Variants in SUPT3H observed in about 807,000 individuals in gnomAD.
SUPT3H encodes SPT3 homolog, SAGA and STAGA complex component.
SUPT3H carries 44 observed loss-of-function variants against 44.3 expected under a neutral mutation model. The ratio of observed to expected loss-of-function variants is 0.99; its 90% CI spans 0.78 to 1.28. SUPT3H has a LOEUF of 1.28. Ranked by LOEUF, SUPT3H falls within the 50% of genes most tolerant of loss-of-function variation. The pLI is 0.00. For synonymous variants in SUPT3H, 124 were observed against 125.6 expected, an observed-to-expected ratio of 0.99 and a Z score of 0.09; for missense variants, 380 against 387.1, an observed-to-expected ratio of 0.98 and a Z score of 0.15.
intron 10 of SUPT3H, among the ~76,000 whole-genome samples, chr6:44,863,456 A>G (rs1341220236): frequency 6.6e-6 from 1 of 152,212 alleles, no homozygotes; most frequent in Non-Finnish European, 1.5e-5. Context: ...TGAAGGTATC[A>G]TTAGATCAGG....
At chr6:45,354,568 C>T (rs527310704) in intron 2 of SUPT3H, among the ~76,000 whole-genome samples, 65 of 152,114 alleles carry the variant, frequency 4.3e-4, no homozygotes, top group Middle Eastern at 3.4e-3. Flanking sequence ...TAATAAGGGG[C>T]TTCACTGCAT....
chr6:45,032,418 AC>A, intron 3 of SUPT3H, among the ~76,000 whole-genome samples: 1 of 152,252 alleles, frequency 6.6e-6, no homozygotes, highest in South Asian at 2.1e-4. Context: ...GAACTATAAA[AC>A]ACTATACCTG....
At chr6:45,130,130 T>G (rs902511833) in intron 2 of SUPT3H, among the ~76,000 whole-genome samples, 5 of 152,168 alleles carry the variant, frequency 3.3e-5, no homozygotes, top group African/African-American at 1.2e-4. Context: ...TTTTGAAATA[T>G]TTCATCAACC....
intron 2 of SUPT3H, among the ~76,000 whole-genome samples, chr6:45,176,878 C>T (rs189775779): frequency 2.5e-4 from 37 of 149,976 alleles, no homozygotes; most frequent in Middle Eastern, 3.4e-3. Context: ...AGAAGGAAAA[C>T]TAACAAACAG....
rs1764356913 is a variant in SUPT3H at position 45,212,797 on chromosome 6, A to AT, written c.102-106792dup. 2.0e-5 allele frequency among the ~76,000 whole-genome samples: 3 copies of AT among 152,256 alleles called. No homozygotes were observed. In the East Asian group the frequency reaches 5.8e-4, roughly 29 times the overall value. ...CATTGTCTTTTAGGATCTACTCTTGATACCTGATTAAATACCATTCTTGTT... is the reference window on the plus strand; with the variant it reads ...CATTGTCTTTTAGGATCTACTCTTGATTACCTGATTAAATACCATTCTTGTT... On this transcript the variant is annotated intron_variant, in intron 2 of 10. Coordinates refer to ENST00000371459, the MANE Select transcript of SUPT3H (RefSeq NM_003599.4).
At chr6:45,038,728 G>A (rs1788065271) in intron 3 of SUPT3H, among the ~76,000 whole-genome samples, 1 of 151,960 alleles carries the variant, frequency 6.6e-6, no homozygotes, top group East Asian at 1.9e-4. Flanking sequence ...CAAGGCAAGT[G>A]AATACAGCAC....
At chr6:44,850,966 T>C (rs1269727434) in intron 10 of SUPT3H, among the ~76,000 whole-genome samples, 1 of 152,208 alleles carries the variant, frequency 6.6e-6, no homozygotes, top group Non-Finnish European at 1.5e-5. Context: ...AACCCACCCA[T>C]AGACCAAGTT....
At chr6:45,231,472 T>C (rs991991540) in intron 2 of SUPT3H, among the ~76,000 whole-genome samples, 1 of 152,218 alleles carries the variant, frequency 6.6e-6, no homozygotes, top group Admixed American at 6.5e-5. Context: ...CTTAGTCTGA[T>C]GGGGCTCTTT....
intron 3 of SUPT3H, among the ~76,000 whole-genome samples, chr6:45,091,928 A>G (rs1460140345): frequency 6.6e-6 from 1 of 151,912 alleles, no homozygotes; most frequent in African/African-American, 2.4e-5. Context: ...ATGGTTACAA[A>G]TATCAATACG....
chr6:44,924,785 G>C (rs1474733512), intron 10 of SUPT3H, among the ~76,000 whole-genome samples: 1 of 151,774 alleles, frequency 6.6e-6, no homozygotes, highest in Middle Eastern at 3.2e-3. Context: ...ACATATGTTT[G>C]GTTTCCAATC....
intron 2 of SUPT3H, among the ~76,000 whole-genome samples, chr6:45,227,687 A>T (rs7760342): frequency 0.59 from 89,562 of 151,950 alleles, 27,316 homozygotes; most frequent in African/African-American, 0.75. Flanking sequence ...AGGACACCCA[A>T]CCCACCAGGC....
At chr6:44,931,008 T>C (rs994462712) in intron 10 of SUPT3H, among the ~76,000 whole-genome samples, 3 of 151,874 alleles carry the variant, frequency 2.0e-5, no homozygotes, top group African/African-American at 7.3e-5. Context: ...CACACACACA[T>C]GTATGTAAAT....
intron 2 of SUPT3H, among the ~76,000 whole-genome samples, chr6:45,250,468 A>G (rs969984047): frequency 6.6e-6 from 1 of 152,020 alleles, no homozygotes; most frequent in African/African-American, 2.4e-5. Flanking sequence ...TTTTCCAGAT[A>G]AAGTTGAGAA....
chr6:45,146,779 G>T (rs1174469023), intron 2 of SUPT3H, among the ~76,000 whole-genome samples: 2 of 152,002 alleles, frequency 1.3e-5, no homozygotes, highest in Admixed American at 1.3e-4. Context: ...CCTGAATCTG[G>T]TAAGTGGTAA....
intron 2 of SUPT3H, among the ~76,000 whole-genome samples, chr6:45,337,414 T>C (rs927813657): frequency 6.6e-6 from 1 of 151,828 alleles, no homozygotes; most frequent in African/African-American, 2.4e-5. Context: ...ATTTAAAATA[T>C]ATAATTAAAT....
intron 2 of SUPT3H, among the ~76,000 whole-genome samples, chr6:45,287,359 C>A (rs1039979008): frequency 3.3e-5 from 5 of 152,052 alleles, no homozygotes; most frequent in Non-Finnish European, 5.9e-5. Context: ...TCAACAAATC[C>A]AACTGTCCCT....
intron 2 of SUPT3H, among the ~76,000 whole-genome samples, chr6:45,238,468 A>G (rs1769628563): frequency 6.6e-6 from 1 of 152,206 alleles, no homozygotes; most frequent in South Asian, 2.1e-4. Flanking sequence ...CTACCCTTAG[A>G]GGAGATCCTA....
intron 2 of SUPT3H, among the ~76,000 whole-genome samples, chr6:45,195,243 A>G (rs1815820470): frequency 6.6e-6 from 1 of 152,154 alleles, no homozygotes; most frequent in South Asian, 2.1e-4. Flanking sequence ...GTCACAGGAA[A>G]TTGTGTTTGT....
intron 2 of SUPT3H, among the ~76,000 whole-genome samples, chr6:45,151,616 C>T (rs1391320284): frequency 6.6e-6 from 1 of 152,110 alleles, no homozygotes; most frequent in Non-Finnish European, 1.5e-5. Flanking sequence ...AAGTGTTTAA[C>T]CTTCCTCCAA....
Sources: gnomAD v4.1 joint callset for allele counts (sites outside exome capture counted in the v4.1 genomes callset) on GRCh38, gnomAD v4.1.1 for gene constraint, MANE v1.5 for transcripts, NCBI Gene and HGNC (gene_info 2026-07-23, HGNC 2026-07-21) for gene names.